CCDC146: variants seen among roughly 807,000 people sequenced by gnomAD.
The protein encoded by CCDC146 is coiled-coil domain containing 146.
In CCDC146, 92 loss-of-function variants were observed where a neutral mutation model predicts 119.3. That is an observed-to-expected ratio of 0.77 (90% confidence interval 0.65 to 0.92). CCDC146 has a LOEUF of 0.92. Ranked by LOEUF, CCDC146 falls within the 40% of genes least tolerant of loss-of-function variation. The pLI, the probability that CCDC146 is intolerant of heterozygous loss-of-function variation, is 0.00. For missense variants in CCDC146, 1,000 were observed against 1,103.0 expected (o/e 0.91, Z 1.32); for synonymous variants, 372 against 371.8 (o/e 1.00, Z -0.01).
chr7:77,191,608 A>C (rs1053280984), intron 2 of CCDC146, among the ~76,000 whole-genome samples: 2 of 152,206 alleles, frequency 1.3e-5, no homozygotes, highest in African/African-American at 4.8e-5. Flanking sequence ...AACTCTGCCT[A>C]TAAGAGATAA....
rs1793570610 is a variant in CCDC146 at position 77,273,677 on chromosome 7, TA to T, written c.1174-14del. The T allele has an allele frequency of 6.3e-7, 1 of 1,581,252 alleles. No individual in the cohort carries two copies. Among genetic ancestry groups the T allele is most frequent in the Non-Finnish European group, 8.7e-7 (1 of 1,153,876 alleles). On this transcript the variant is annotated splice_polypyrimidine_tract_variant and intron_variant, in intron 9 of 18. Coordinates refer to ENST00000285871, the MANE Select transcript of CCDC146 (RefSeq NM_020879.3). ...TATTTCTTACATAAATGCATGTTTT[TA>T]AATTTTGATTTCCAGATGGAAGCTA... is the stretch of plus-strand genomic sequence containing the variant.
At position 77,293,069 on chromosome 7, in the gene CCDC146, G is replaced by C. The variant is rs748467406; in HGVS notation, c.2533G>C (p.Glu845Gln). 5 of 1,614,002 alleles carry C rather than the reference G, an allele frequency of 3.1e-6. No individual in the cohort carries two copies. Among genetic ancestry groups the C allele is most frequent in the Non-Finnish European group, 2.5e-6 (3 of 1,179,962 alleles). Residue 845 changes from glutamate to glutamine, a missense_variant, in exon 18 of 19, where the codon GAA becomes CAA. Around this residue, in one of 2 missense-constraint regions of CCDC146, gnomAD observed 985 missense variants for 1,045.3 expected, o/e 0.94. Transcript: ENST00000285871. ...ACTCCAAAAGGAAGTCAGGGAGAAAGAAGACTTCATCTTCACTTGCAATTC... is the reference window on the plus strand; with the variant it reads ...ACTCCAAAAGGAAGTCAGGGAGAAACAAGACTTCATCTTCACTTGCAATTC... ...IELQKEVREKEDFIFTCNSRI... is the reference protein window; with the variant it reads ...IELQKEVREKQDFIFTCNSRI...
intron 4 of CCDC146, among the ~76,000 whole-genome samples, chr7:77,243,966 C>T (rs1268817263): frequency 2.0e-5 from 3 of 152,166 alleles, no homozygotes; most frequent in African/African-American, 7.2e-5. Flanking sequence ...GCAACCTCCA[C>T]TTGCTGGGTT....
At chr7:77,177,073 TG>T (rs1168583486) in intron 2 of CCDC146, among the ~76,000 whole-genome samples, 3 of 152,044 alleles carry the variant, frequency 2.0e-5, no homozygotes, top group Non-Finnish European at 4.4e-5. Context: ...TGGGCTCAAG[TG>T]ATCTACCCAC....
At chr7:77,195,227 C>A (rs978372399) in intron 2 of CCDC146, 1 of 136,950 alleles carries the variant, frequency 7.3e-6, no homozygotes, top group African/African-American at 2.7e-5. Context: ...AAATTAAAAG[C>A]TATTGTTCAC....
intron 2 of CCDC146, among the ~76,000 whole-genome samples, chr7:77,225,693 A>C (rs980799035): frequency 6.6e-6 from 1 of 152,176 alleles, no homozygotes; most frequent in Non-Finnish European, 1.5e-5. Flanking sequence ...CTGTAATCCC[A>C]ACACTTTGGG....
At chr7:77,170,294 G>A in intron 2 of CCDC146, among the ~76,000 whole-genome samples, 1 of 152,106 alleles carries the variant, frequency 6.6e-6, no homozygotes. Context: ...ATGTCTCTGT[G>A]AAGGACATGA....
At chr7:77,291,172 T>C (rs1348614528) in intron 17 of CCDC146, among the ~76,000 whole-genome samples, 1 of 152,020 alleles carries the variant, frequency 6.6e-6, no homozygotes, top group Non-Finnish European at 1.5e-5. Context: ...CAGTGAGACA[T>C]GATGTGAACA....
chr7:77,281,257 T>C (rs77720387), intron 14 of CCDC146, among the ~76,000 whole-genome samples: 12,325 of 152,274 alleles, frequency 0.081, 697 homozygotes, highest in Non-Finnish European at 0.11. Context: ...AACATCAGAT[T>C]CTTTCAGCAT....
intron 2 of CCDC146, among the ~76,000 whole-genome samples, chr7:77,221,305 A>T (rs895263072): frequency 1.3e-5 from 2 of 152,234 alleles, no homozygotes; most frequent in African/African-American, 2.4e-5. Flanking sequence ...GAAATGTTTG[A>T]CAAGTTTTCA....
chr7:77,163,465 T>C (rs1791292670), intron 1 of CCDC146, among the ~76,000 whole-genome samples: 1 of 151,968 alleles, frequency 6.6e-6, no homozygotes, highest in South Asian at 2.1e-4. Flanking sequence ...AAAATACACA[T>C]ATATACGTAT....
chr7:77,142,657 A>G (rs1178621088), intron 1 of CCDC146, among the ~76,000 whole-genome samples: 8 of 151,674 alleles, frequency 5.3e-5, no homozygotes, highest in Non-Finnish European at 1.2e-4. Flanking sequence ...GAGTGAGAAC[A>G]TGCAGTGTTT....
At chr7:77,152,374 G>C (rs1791119777) in intron 1 of CCDC146, among the ~76,000 whole-genome samples, 2 of 152,172 alleles carry the variant, frequency 1.3e-5, no homozygotes, top group African/African-American at 4.8e-5. Flanking sequence ...CCCCAGGAGA[G>C]AGAAAGACTA....
At chr7:77,260,279 T>G in intron 8 of CCDC146, 43 bp downstream of exon 8, 3 of 1,409,834 alleles carry the variant, frequency 2.1e-6, no homozygotes, top group Non-Finnish European at 1.9e-6. Flanking sequence ...ATCTAAATTT[T>G]TCTTCAATTT....
chr7:77,151,445 A>G (rs1288414318), intron 1 of CCDC146, among the ~76,000 whole-genome samples: 1 of 152,020 alleles, frequency 6.6e-6, no homozygotes, highest in Non-Finnish European at 1.5e-5. Flanking sequence ...AGAAATTTTT[A>G]ACTTTATTTA....
At chr7:77,168,269 G>C (rs1791368206) in intron 2 of CCDC146, among the ~76,000 whole-genome samples, 2 of 151,872 alleles carry the variant, frequency 1.3e-5, no homozygotes, top group Non-Finnish European at 2.9e-5. Context: ...TAAGCAAAAA[G>C]GGGAATATGA....
rs67724407 is a variant in CCDC146, at chr7:77,134,541, CTGTG to C, written c.-12+11827_-12+11830del. 4.9e-3 allele frequency among the ~76,000 whole-genome samples: 700 copies of C among 143,682 alleles called. 8 individuals are homozygous for C. The highest frequency in any genetic ancestry group is 0.018 in the African/African-American group (657 of 37,354). 94.3% of individuals were successfully genotyped at this position (143,682 alleles called of 152,430 possible). On this transcript the variant is annotated intron_variant, in intron 1 of 18. Coordinates refer to ENST00000285871, the MANE Select transcript of CCDC146 (RefSeq NM_020879.3). ...AAATAAATTTCTGGCTAAGGCCACT[CTGTG>C]TGTGTGTGTGTGTGTGTCTGTGTGT...
intron 11 of CCDC146, among the ~76,000 whole-genome samples, chr7:77,275,440 T>A (rs1027906744): frequency 4.6e-5 from 7 of 152,164 alleles, no homozygotes; most frequent in Non-Finnish European, 8.8e-5. Flanking sequence ...TAATCAACAA[T>A]TTAGATGGGA....
chr7:77,138,257 A>G (rs1790884818), intron 1 of CCDC146, among the ~76,000 whole-genome samples: 3 of 150,466 alleles, frequency 2.0e-5, no homozygotes, highest in African/African-American at 7.3e-5. Context: ...AAAAGACAGT[A>G]TTTTCAACAA....
Sources: allele counts gnomAD v4.1 joint callset (sites outside exome capture counted in the v4.1 genomes callset), GRCh38; gene constraint gnomAD v4.1.1; regional missense constraint gnomAD v4.1.1; transcripts MANE v1.5; gene names NCBI Gene and HGNC (gene_info 2026-07-23, HGNC 2026-07-21).